The following THSD7B variants were observed in gnomAD, a reference collection of about 807,000 sequenced individuals.
The protein encoded by THSD7B is thrombospondin type 1 domain containing 7B, also known as thrombospondin type-1 domain-containing protein 7B.
A neutral mutation model predicts 213.6 loss-of-function variants in THSD7B; 138 were observed. That is an observed-to-expected ratio of 0.65 (90% CI 0.56 to 0.74). The LOEUF (loss-of-function observed/expected upper bound fraction) is 0.74, where lower values mean the gene tolerates loss of function less well. THSD7B is among the 30% of genes least tolerant of loss of function. THSD7B has a pLI of 0.00. For synonymous variants in THSD7B, 742 were observed against 687.0 expected (o/e 1.08, Z -1.25); for missense variants, 1,931 against 1,991.5 (o/e 0.97, Z 0.58).
At chr2:136,912,578 T>G (rs1050203131) in intron 2 of THSD7B, among the ~76,000 whole-genome samples, 6 of 152,142 alleles carry the variant, frequency 3.9e-5, no homozygotes, top group African/African-American at 1.4e-4. Context: ...AAATCTCATC[T>G]TGAATTGTAT....
At chr2:137,327,519 T>C (rs997152501) in intron 12 of THSD7B, among the ~76,000 whole-genome samples, 1 of 152,176 alleles carries the variant, frequency 6.6e-6, no homozygotes, top group African/African-American at 2.4e-5. Context: ...CTATCTCCTC[T>C]ATCTTCCCAT....
intron 15 of THSD7B, among the ~76,000 whole-genome samples, chr2:137,506,652 A>T (rs1276354132): frequency 6.6e-6 from 1 of 152,146 alleles, no homozygotes; most frequent in African/African-American, 2.4e-5. Flanking sequence ...TTACCACACA[A>T]AATGCTTCAG....
chr2:136,935,461 A>G (rs957581270), intron 2 of THSD7B, among the ~76,000 whole-genome samples: 2 of 152,148 alleles, frequency 1.3e-5, no homozygotes, highest in Non-Finnish European at 1.5e-5. Context: ...TTTATTCTCC[A>G]TGATGTAGGG....
chr2:137,104,423 A>T (rs776091828), intron 4 of THSD7B, among the ~76,000 whole-genome samples: 36 of 152,214 alleles, frequency 2.4e-4, no homozygotes, highest in Admixed American at 7.2e-4. Context: ...CAGACAGGAG[A>T]AAGTAGGAAA....
At chr2:137,150,687 T>G (rs1221115626) in intron 5 of THSD7B, among the ~76,000 whole-genome samples, 1 of 152,160 alleles carries the variant, frequency 6.6e-6, no homozygotes, top group Non-Finnish European at 1.5e-5. Flanking sequence ...AATGGACTAA[T>G]ACAGGGCTTA....
intron 15 of THSD7B, among the ~76,000 whole-genome samples, chr2:137,510,825 G>A (rs369484466): frequency 1.6e-4 from 24 of 152,200 alleles, no homozygotes; most frequent in African/African-American, 5.5e-4. Flanking sequence ...AAATTAGACC[G>A]TCATGTGTCC....
chr2:137,305,577 A>G (rs1683722024), intron 12 of THSD7B, among the ~76,000 whole-genome samples: 1 of 152,168 alleles, frequency 6.6e-6, no homozygotes, highest in Non-Finnish European at 1.5e-5. Context: ...AGGGAAAGGT[A>G]GAAAAATTGT....
intron 18 of THSD7B, among the ~76,000 whole-genome samples, chr2:137,617,351 G>C (rs753528184): frequency 8.6e-5 from 13 of 151,942 alleles, no homozygotes; most frequent in South Asian, 8.3e-4. Flanking sequence ...TATGACCAAG[G>C]GTCTTCCTTT....
intron 1 of THSD7B, among the ~76,000 whole-genome samples, chr2:136,860,969 C>A (rs1683249480): frequency 6.6e-6 from 1 of 152,232 alleles, no homozygotes; most frequent in African/African-American, 2.4e-5. Flanking sequence ...TTGGTTTTGC[C>A]TAGAACGCTG....
At chr2:137,186,505 G>T (rs1029790361) in intron 7 of THSD7B, among the ~76,000 whole-genome samples, 3 of 151,494 alleles carry the variant, frequency 2.0e-5, no homozygotes, top group Admixed American at 2.0e-4. Context: ...TTGCTTTATG[G>T]ACTTTGGATG....
intron 2 of THSD7B, among the ~76,000 whole-genome samples, chr2:136,953,171 C>T (rs1685069747): frequency 6.6e-6 from 1 of 152,098 alleles, no homozygotes; most frequent in African/African-American, 2.4e-5. Flanking sequence ...ACAGCCTTCA[C>T]TTATAGTTTT....
intron 15 of THSD7B, among the ~76,000 whole-genome samples, chr2:137,520,959 G>A (rs1680173218): frequency 6.6e-6 from 1 of 152,144 alleles, no homozygotes; most frequent in Non-Finnish European, 1.5e-5. Flanking sequence ...ACCATTGTGG[G>A]TGAACTCTTT....
intron 14 of THSD7B, among the ~76,000 whole-genome samples, chr2:137,426,799 A>G (rs1687066099): frequency 6.6e-6 from 1 of 152,170 alleles, no homozygotes; most frequent in African/African-American, 2.4e-5. Flanking sequence ...AAAATAAGTG[A>G]CCACATAAAC....
intron 5 of THSD7B, among the ~76,000 whole-genome samples, chr2:137,139,780 G>A (rs1161430378): frequency 6.6e-6 from 1 of 152,120 alleles, no homozygotes; most frequent in African/African-American, 2.4e-5. Context: ...CTCTTGCTGA[G>A]ATTCTGCTGT....
chr2:137,620,996 A>G (rs985673824), intron 20 of THSD7B, among the ~76,000 whole-genome samples: 4 of 152,210 alleles, frequency 2.6e-5, no homozygotes, highest in African/African-American at 9.7e-5. Context: ...AGCTCAACAA[A>G]TTGAAAAAAC....
At chr2:137,043,225 C>G (rs1042846986) in intron 2 of THSD7B, among the ~76,000 whole-genome samples, 2 of 152,104 alleles carry the variant, frequency 1.3e-5, no homozygotes, top group Admixed American at 1.3e-4. Flanking sequence ...TACTTTGAGC[C>G]CTTCCTACCG....
At chr2:137,562,295 G>A (rs1463022682) in intron 15 of THSD7B, among the ~76,000 whole-genome samples, 1 of 152,062 alleles carries the variant, frequency 6.6e-6, no homozygotes, top group Non-Finnish European at 1.5e-5. Flanking sequence ...TTGTAAGCAG[G>A]CCTATAATTG....
At chr2:137,204,887 G>A (rs1346146786) in intron 7 of THSD7B, among the ~76,000 whole-genome samples, 2 of 152,066 alleles carry the variant, frequency 1.3e-5, no homozygotes, top group East Asian at 3.9e-4. Context: ...TTATAACTAA[G>A]TAATAGTTAA....
intron 12 of THSD7B, among the ~76,000 whole-genome samples, chr2:137,381,158 G>A (rs1216618414): frequency 6.6e-6 from 1 of 152,202 alleles, no homozygotes; most frequent in African/African-American, 2.4e-5. Flanking sequence ...CAGCCATGTG[G>A]CTGCAACATG....
Sources: gnomAD v4.1 joint callset for allele counts (sites outside exome capture counted in the v4.1 genomes callset) on GRCh38, gnomAD v4.1.1 for gene constraint, MANE v1.5 for transcripts, NCBI Gene and HGNC (gene_info 2026-07-23, HGNC 2026-07-21) for gene names.